Variants in KAZN observed in about 807,000 individuals in gnomAD.
KAZN encodes the protein kazrin, periplakin interacting protein.
Under a neutral mutation model 87.4 loss-of-function variants are expected in KAZN, and 40 were observed. The observed-to-expected ratio is 0.46, with a 90% CI of 0.36 to 0.60. The LOEUF is 0.60. Ranked by LOEUF, KAZN falls within the 20% of genes least tolerant of loss-of-function variation. The pLI is 0.00. For missense variants in KAZN, 898 were observed against 1,073.9 expected (o/e 0.84, Z 2.29); for synonymous variants, 466 against 458.3 (o/e 1.02, Z -0.22).
At chr1:14,639,783 T>G (rs929683148) in intron 1 of KAZN, among the ~76,000 whole-genome samples, 4 of 152,180 alleles carry the variant, frequency 2.6e-5, no homozygotes, top group Non-Finnish European at 5.9e-5. Context: ...TCTCTTTTGA[T>G]TTTTTTAGCC....
intron 1 of KAZN, among the ~76,000 whole-genome samples, chr1:14,007,626 C>T (rs991431746): frequency 2.0e-5 from 3 of 152,196 alleles, no homozygotes; most frequent in Admixed American, 6.5e-5. Context: ...TCTATAGTCA[C>T]GTTTTTGCAG....
At chr1:14,556,399 G>A (rs527962862) in intron 2 of KAZN, among the ~76,000 whole-genome samples, 25 of 152,164 alleles carry the variant, frequency 1.6e-4, no homozygotes, top group African/African-American at 4.6e-4. Context: ...GTGAGCCCCC[G>A]TGCCCGGCGG....
At chr1:14,746,962 A>G (rs927856585) in intron 1 of KAZN, among the ~76,000 whole-genome samples, 3 of 152,202 alleles carry the variant, frequency 2.0e-5, no homozygotes, top group Non-Finnish European at 2.9e-5. Context: ...TTCCCAAATG[A>G]AAACTGTATC....
In KAZN at chr1:14,385,387, T is replaced by C. The variant is rs542751548; in HGVS notation, c.249+204795T>C. Among the ~76,000 whole-genome samples, 3 of 152,302 alleles carry C rather than the reference T, an allele frequency of 2.0e-5. No individual in the cohort carries two copies. The South Asian group carries it at 6.2e-4, about 32-fold the overall frequency. ...ATATGTTTGCTCTTGCTTTTCTAGTTCTTTTAATTGTGATGGTAGGGTGTC... is the reference window on the plus strand; with the variant it reads ...ATATGTTTGCTCTTGCTTTTCTAGTCCTTTTAATTGTGATGGTAGGGTGTC... On this transcript the variant is annotated intron_variant, in intron 2 of 16. Transcript: ENST00000636203.
At chr1:14,116,677 G>T (rs12096237) in intron 1 of KAZN, among the ~76,000 whole-genome samples, 1 of 152,128 alleles carries the variant, frequency 6.6e-6, no homozygotes, top group Non-Finnish European at 1.5e-5. Flanking sequence ...TGTGAGAAGA[G>T]GGCCACTGTC....
intron 2 of KAZN, among the ~76,000 whole-genome samples, chr1:14,334,518 C>T (rs1452494696): frequency 6.6e-6 from 1 of 152,028 alleles, no homozygotes; most frequent in Admixed American, 6.6e-5. Context: ...ATCATAAGGA[C>T]TTTCACTTTC....
chr1:14,817,637 T>C (rs888658283), intron 1 of KAZN, among the ~76,000 whole-genome samples: 5 of 152,150 alleles, frequency 3.3e-5, no homozygotes, highest in African/African-American at 9.7e-5. Flanking sequence ...GGTAGAAAAT[T>C]TAGAAGTCAC....
At chr1:14,687,939 A>C (rs1641054929) in intron 1 of KAZN, among the ~76,000 whole-genome samples, 2 of 152,188 alleles carry the variant, frequency 1.3e-5, no homozygotes, top group Non-Finnish European at 2.9e-5. Flanking sequence ...GCTGTGGCTC[A>C]GTGGTGCCCA....
In KAZN at chr1:14,866,103, A is replaced by G. The variant is rs569132492; in HGVS notation, c.227-94581A>G. Among the ~76,000 whole-genome samples the G allele has an allele frequency of 2.6e-5, 4 of 152,080 alleles. No individual in the cohort carries two copies. In the South Asian group the frequency reaches 8.3e-4, roughly 32 times the overall value. On this transcript the variant is annotated intron_variant, in intron 1 of 14. Coordinates refer to ENST00000376030, the MANE Select transcript of KAZN (RefSeq NM_201628.3). Reference sequence around the variant, plus strand: ...TGGGAAAGTTTTTTTCAGCTTCTCAAACTTGCCGAGCTCTCTCCCAATTCC... The same window carrying G: ...TGGGAAAGTTTTTTTCAGCTTCTCAGACTTGCCGAGCTCTCTCCCAATTCC...
At chr1:14,527,036 CTAT>C (rs1671906580) in intron 2 of KAZN, among the ~76,000 whole-genome samples, 1 of 152,102 alleles carries the variant, frequency 6.6e-6, no homozygotes, top group Non-Finnish European at 1.5e-5. Flanking sequence ...GGACCAGTAC[CTAT>C]TATTGCATAA....
At chr1:14,546,163 G>T (rs1673128653) in intron 2 of KAZN, among the ~76,000 whole-genome samples, 1 of 152,176 alleles carries the variant, frequency 6.6e-6, no homozygotes, top group Non-Finnish European at 1.5e-5. Context: ...AGCATAGACT[G>T]CAGCAAAGCA....
At chr1:14,808,290 CTTTTTTTTTTTTT>C (rs57548450) in intron 1 of KAZN, among the ~76,000 whole-genome samples, 13 of 88,096 alleles carry the variant, frequency 1.5e-4, no homozygotes, top group Admixed American at 1.4e-4. Context: ...AAAGAGGTTT[CTTTTTTTTTTTTT>C]TTTTTTTTTT....
intron 1 of KAZN, among the ~76,000 whole-genome samples, chr1:14,021,529 A>G (rs1640824443): frequency 6.6e-6 from 1 of 152,150 alleles, no homozygotes; most frequent in Non-Finnish European, 1.5e-5. Context: ...AAGAACACAG[A>G]TGCCAGGGTT....
At chr1:14,056,630 CT>C (rs1206196184) in intron 1 of KAZN, among the ~76,000 whole-genome samples, 2 of 152,164 alleles carry the variant, frequency 1.3e-5, no homozygotes, top group East Asian at 1.9e-4. Flanking sequence ...ATACGCCACC[CT>C]TATGTCACCG....
chr1:13,948,501 A>G (rs552357222), intron 1 of KAZN, among the ~76,000 whole-genome samples: 2 of 152,082 alleles, frequency 1.3e-5, no homozygotes, highest in South Asian at 2.1e-4. Context: ...TGTCAATTAA[A>G]CCTCTTTTCG....
chr1:14,327,826 AG>A, intron 2 of KAZN, among the ~76,000 whole-genome samples: 1 of 152,336 alleles, frequency 6.6e-6, no homozygotes. Context: ...GCTGAGGGAA[AG>A]GATCCCCTTT....
In KAZN at chr1:14,122,565, T is replaced by C. The variant is rs919909349; in HGVS notation, c.92-57870T>C. ...TGTTCACCTGACCCAGCTCACATAG[T>C]TGATGAGCTGACGTTCTCTATTCTG... On this transcript the variant is annotated intron_variant, in intron 1 of 16. Coordinates refer to the KAZN transcript ENST00000636203. 7.9e-5 allele frequency among the ~76,000 whole-genome samples: 12 copies of C among 152,212 alleles called. 1 individual carries two copies. Among genetic ancestry groups the C allele is most frequent in the Admixed American group, 3.9e-4 (6 of 15,278 alleles).
At chr1:14,360,572 G>A (rs956944495) in intron 2 of KAZN, among the ~76,000 whole-genome samples, 6 of 152,094 alleles carry the variant, frequency 3.9e-5, no homozygotes, top group Admixed American at 1.3e-4. Context: ...TTTAATCTTC[G>A]TGGATTTATC....
chr1:14,832,307 TG>T (rs1647073063), intron 1 of KAZN, among the ~76,000 whole-genome samples: 1 of 152,138 alleles, frequency 6.6e-6, no homozygotes, highest in Non-Finnish European at 1.5e-5. Context: ...TGGGATCTGC[TG>T]TGCTGTGGTG....
Sources: gnomAD v4.1 joint callset for allele counts (sites outside exome capture counted in the v4.1 genomes callset) on GRCh38, gnomAD v4.1.1 for gene constraint, MANE v1.5 for transcripts, NCBI Gene and HGNC (gene_info 2026-07-23, HGNC 2026-07-21) for gene names.